The following MAP3K1 variants were observed in gnomAD, a reference collection of about 807,000 sequenced individuals.
MAP3K1 encodes the protein MAP/ERK kinase kinase 1.
In MAP3K1, 36 loss-of-function variants were observed where a neutral mutation model predicts 144.2. The ratio of observed to expected loss-of-function variants is 0.25; its 90% CI spans 0.19 to 0.33. MAP3K1 has a LOEUF of 0.33. Among genes scored for constraint, MAP3K1 ranks in the 10% least tolerant of loss-of-function variants. The pLI is 1.00. For missense variants in MAP3K1, 1,650 were observed against 1,881.9 expected (o/e 0.88, Z 2.28); for synonymous variants, 718 against 688.7 (o/e 1.04, Z -0.67).
Position 56,815,683 on chromosome 5 carries a change from C to T in MAP3K1, c.110C>T (p.Pro37Leu). ...GGAGCCCTCAAGGCGAGCAGCGCGC[C>T]CGCGGCTGCCGCGGGACTGCTGCGG... is the stretch of plus-strand genomic sequence containing the variant. ...GGGALKASSA[P>L]AAAAGLLREA... Residue 37 changes from proline to leucine, a missense_variant, in exon 1 of 20, where the codon CCC (proline) becomes CTC (leucine). Pro to Leu is a moderately conservative substitution (Grantham distance 98, BLOSUM62 -3). Transcript: ENST00000399503. 1.5e-6 allele frequency: 2 copies of T among 1,301,368 alleles called. No homozygotes were observed. Among genetic ancestry groups the T allele is most frequent in the Non-Finnish European group, 1.9e-6 (2 of 1,029,446 alleles). 80.6% of individuals were successfully genotyped at this position (1,301,368 alleles called of 1,614,324 possible). A position where few individuals can be genotyped will look rare whatever the true frequency, so the allele number is the denominator to read the frequency against.
At chr5:56,827,149 C>G (rs1405679863) in intron 1 of MAP3K1, among the ~76,000 whole-genome samples, 1 of 152,162 alleles carries the variant, frequency 6.6e-6, no homozygotes, top group Non-Finnish European at 1.5e-5. Context: ...AAGTGTAGTT[C>G]AGGTAACTCG....
At chr5:56,834,004 C>T (rs1445851028) in intron 1 of MAP3K1, among the ~76,000 whole-genome samples, 3 of 152,142 alleles carry the variant, frequency 2.0e-5, no homozygotes, top group Non-Finnish European at 2.9e-5. Context: ...TTCCTGACCC[C>T]TATGCCTTCC....
At position 56,885,989 on chromosome 5, in the gene MAP3K1, T is replaced by C. The variant is rs1748367214; in HGVS notation, c.4040T>C (p.Ile1347Thr). 2.5e-6 allele frequency: 4 copies of C among 1,607,432 alleles called. No homozygotes were observed. Among genetic ancestry groups the C allele is most frequent in the Middle Eastern group, 1.6e-4 (1 of 6,068 alleles). The change falls in exon 17 of 20, where the codon ATT (isoleucine) becomes ACT (threonine). Residue 1347 changes from isoleucine to threonine, a missense_variant. Ile to Thr is a moderately conservative substitution (Grantham distance 89). Coordinates refer to ENST00000399503, the MANE Select transcript of MAP3K1 (RefSeq NM_005921.2). ...GGAGCCTTCAAAGAATCAGTAGTTATTAACTACACTGAACAGTTACTCCGT... is the reference window on the plus strand; with the variant it reads ...GGAGCCTTCAAAGAATCAGTAGTTACTAACTACACTGAACAGTTACTCCGT... ...KYGAFKESVV[I>T]NYTEQLLRGL... is the part of the protein sequence containing the mutation.
chr5:56,850,254 A>G (rs1306314539), intron 1 of MAP3K1, among the ~76,000 whole-genome samples: 1 of 152,204 alleles, frequency 6.6e-6, no homozygotes, highest in African/African-American at 2.4e-5. Flanking sequence ...AAGGCTTCAC[A>G]GGTGGACCTT....
Position 56,895,673 on chromosome 5 carries a change from T to C in MAP3K1, c.*1993T>C, listed in dbSNP as rs1712231827. The C allele has an allele frequency of 4.3e-6, 1 of 232,530 alleles. No individual in the cohort carries two copies. The highest frequency in any genetic ancestry group is 6.1e-5 in the East Asian group (1 of 16,430). 14.4% of individuals were successfully genotyped at this position (232,530 alleles called of 1,614,324 possible). A position where few individuals can be genotyped will look rare whatever the true frequency, so the allele number is the denominator to read the frequency against. ...GCTTGCTGGTAATTGTGGTGTTTTG[T>C]TTTTTGTTTTGTTTTCAATGCAAAT... On this transcript the variant is annotated 3_prime_UTR_variant, in exon 20 of 20. Coordinates refer to ENST00000399503, the MANE Select transcript of MAP3K1 (RefSeq NM_005921.2).
rs1184632722 is a variant in MAP3K1 at position 56,882,521 on chromosome 5, C to T, written c.3321C>T (p.Pro1107=). The T allele has an allele frequency of 6.2e-7, 1 of 1,614,002 alleles. No individual in the cohort carries two copies. The highest frequency in any genetic ancestry group is 8.5e-7 in the Non-Finnish European group (1 of 1,179,912). ...CSSNSSNAVI[P]SDETVFTPVE... ...GCAATAGTAGTAATGCTGTTATACC[C>T]AGTGACGAGACAGTGTTCACCCCAG... The change falls in exon 14 of 20, where the codon CCC becomes CCT. Residue 1107 remains proline (P), a synonymous_variant. Coordinates refer to ENST00000399503, the MANE Select transcript of MAP3K1 (RefSeq NM_005921.2).
intron 1 of MAP3K1, among the ~76,000 whole-genome samples, chr5:56,844,183 GTTTTTTTT>G (rs770169813): frequency 1.2e-4 from 9 of 76,092 alleles, no homozygotes; most frequent in African/African-American, 4.9e-4. Context: ...GTTTTTTTTG[GTTTTTTTT>G]TTTTTTTTTT....
intron 1 of MAP3K1, among the ~76,000 whole-genome samples, chr5:56,849,132 G>C (rs1003769408): frequency 1.3e-5 from 2 of 152,114 alleles, no homozygotes; most frequent in Admixed American, 1.3e-4. Context: ...AGAGTGCTTT[G>C]AGCTCAGGAG....
intron 15 of MAP3K1, 50 bp from the exon 16 acceptor site, chr5:56,884,614 A>T (rs773850642): frequency 6.4e-7 from 1 of 1,571,524 alleles, no homozygotes; most frequent in African/African-American, 1.3e-5. Context: ...TTTAGATCAG[A>T]TTGCTAGTGA....
chr5:56,884,924 AG>A, intron 16 of MAP3K1, 98 bp downstream of exon 16: 2 of 1,170,860 alleles, frequency 1.7e-6, no homozygotes, highest in Non-Finnish European at 2.4e-6. Flanking sequence ...TCTATCAAAT[AG>A]TTTGGGTTTC....
intron 14 of MAP3K1, 64 bp from the exon 15 acceptor site, chr5:56,883,463 C>T: frequency 6.7e-7 from 1 of 1,487,276 alleles, no homozygotes; most frequent in South Asian, 1.1e-5. Context: ...TAATATCTTG[C>T]AGACTAATTT....
At chr5:56,892,900 A>T (rs1225097667) in intron 19 of MAP3K1, among the ~76,000 whole-genome samples, 1 of 152,128 alleles carries the variant, frequency 6.6e-6, no homozygotes, top group Admixed American at 6.6e-5. Context: ...AGTGTATCAC[A>T]ATTTAAAAAT....
At chr5:56,825,311 C>T (rs1746278947) in intron 1 of MAP3K1, among the ~76,000 whole-genome samples, 1 of 152,136 alleles carries the variant, frequency 6.6e-6, no homozygotes, top group South Asian at 2.1e-4. Context: ...CCATGCCCGG[C>T]CAGGTCTAGA....
chr5:56,891,182 CAGTA>C (rs1433645630), intron 19 of MAP3K1, among the ~76,000 whole-genome samples: 2 of 142,724 alleles, frequency 1.4e-5, no homozygotes, highest in African/African-American at 5.4e-5. Context: ...CACAAATCAT[CAGTA>C]AGTTACATTT....
chr5:56,896,077 C>T lies in MAP3K1; in HGVS notation c.*2397C>T, dbSNP rs935687800. On this transcript the variant is annotated 3_prime_UTR_variant, in exon 20 of 20. Transcript: ENST00000399503. ...GATATTTTAATTAAAATTTTTACCC[C>T]ATTGAACCGATTTTATAGTATTTGT... The T allele has an allele frequency of 1.3e-5, 3 of 227,498 alleles. No homozygotes were observed. The highest frequency in any genetic ancestry group is 6.7e-5 in the African/African-American group (3 of 44,880). 14.1% of individuals were successfully genotyped at this position (227,498 alleles called of 1,614,324 possible).
Position 56,861,568 on chromosome 5 carries a change from TAAAAA to T in MAP3K1, c.834+1671_834+1675del, listed in dbSNP as rs869216404. On this transcript the variant is annotated intron_variant, in intron 3 of 19. Coordinates refer to ENST00000399503, the MANE Select transcript of MAP3K1 (RefSeq NM_005921.2). ...AGCCTGGGCGACAGAGTGAGACTCCTAAAAAAAAAAAAAAAAAAAAAAGGGGCTAT... is the reference window on the plus strand; with the variant it reads ...AGCCTGGGCGACAGAGTGAGACTCCTAAAAAAAAAAAAAAAAAGGGGCTAT... Among the ~76,000 whole-genome samples, 239 of 114,160 alleles carry T rather than the reference TAAAAA, an allele frequency of 2.1e-3. 2 individuals carry two copies. The highest frequency in any genetic ancestry group is 6.6e-3 in the South Asian group (23 of 3,470). The allele number at this position is 114,160 out of a possible 152,430, so 74.9% of individuals were successfully genotyped here. A position where few individuals can be genotyped will look rare whatever the true frequency, so the allele number is the denominator to read the frequency against.
Position 56,879,105 on chromosome 5 carries a change from A to G in MAP3K1, c.2087+4A>G. The G allele has an allele frequency of 6.2e-7, 1 of 1,613,908 alleles. No individual in the cohort carries two copies. The highest frequency in any genetic ancestry group is 8.5e-7 in the Non-Finnish European group (1 of 1,179,820). Reference sequence around the variant, plus strand: ...TCAAATGTGCAGATGCCAATAGGTAAGGCTTTATTGATGAATCACTTCAAA... The same window carrying G: ...TCAAATGTGCAGATGCCAATAGGTAGGGCTTTATTGATGAATCACTTCAAA... On this transcript the variant is annotated splice_donor_region_variant and intron_variant, in intron 11 of 19. Coordinates refer to ENST00000399503, the MANE Select transcript of MAP3K1 (RefSeq NM_005921.2).
chr5:56,848,991 A>T (rs542192034), intron 1 of MAP3K1, among the ~76,000 whole-genome samples: 1 of 152,342 alleles, frequency 6.6e-6, no homozygotes, highest in East Asian at 1.9e-4. Context: ...GAATGTTTGC[A>T]CACAATACTT....
In MAP3K1 at chr5:56,887,382, C is replaced by G; in HGVS notation, c.4119C>G (p.Ala1373=). 6.2e-7 allele frequency: 1 copy of G among 1,614,056 alleles called. No individual in the cohort carries two copies. Among genetic ancestry groups the G allele is most frequent in the Non-Finnish European group, 8.5e-7 (1 of 1,179,986 alleles). ...ATTTGCTGTGTTTGTTGACAGGTGC[C>G]AATTTGCTAATTGACAGCACTGGTC... ...NQIIHRDVKG[A]NLLIDSTGQR... Residue 1373 remains alanine (A), a synonymous_variant, in exon 18 of 20, where the codon GCC becomes GCG. Transcript: ENST00000399503.
Sources: allele counts gnomAD v4.1 joint callset (sites outside exome capture counted in the v4.1 genomes callset), GRCh38; gene constraint gnomAD v4.1.1; transcripts MANE v1.5; gene names NCBI Gene and HGNC (gene_info 2026-07-23, HGNC 2026-07-21).